The following PRKACB variants were observed in gnomAD, a reference collection of about 807,000 sequenced individuals.
The protein encoded by PRKACB is cAMP-dependent protein kinase catalytic subunit beta.
In PRKACB, 16 loss-of-function variants were observed where a neutral mutation model predicts 51.4. The observed-to-expected ratio is 0.31, with a 90% confidence interval of 0.21 to 0.47. PRKACB has a LOEUF of 0.47. PRKACB is among the 20% of genes least tolerant of loss of function. The pLI is 1.00. For missense variants in PRKACB, 309 were observed against 464.5 expected, an observed-to-expected ratio of 0.67 and a Z score of 3.08; for synonymous variants, 147 against 154.4, an observed-to-expected ratio of 0.95 and a Z score of 0.35.
intron 1 of PRKACB, among the ~76,000 whole-genome samples, chr1:84,166,789 C>T (rs184164704): frequency 4.0e-5 from 6 of 151,664 alleles, no homozygotes; most frequent in African/African-American, 1.4e-4. Flanking sequence ...TTCCTTTTAT[C>T]CTTTGCCAAT....
intron 9 of PRKACB, among the ~76,000 whole-genome samples, chr1:84,215,387 C>T (rs750631613): frequency 5.3e-5 from 8 of 151,962 alleles, no homozygotes; most frequent in Non-Finnish European, 7.4e-5. Flanking sequence ...GTCAGATGGT[C>T]GTATAAATAA....
rs75574709 is a variant in PRKACB at position 84,168,775 on chromosome 1, A to T, written c.188-10402A>T. Among the ~76,000 whole-genome samples, 31 of 151,712 alleles carry T rather than the reference A, an allele frequency of 2.0e-4. 1 individual carries two copies. The East Asian group carries it at 4.9e-3, about 24-fold the overall frequency. On this transcript the variant is annotated intron_variant, in intron 1 of 9. Coordinates refer to ENST00000370685, the MANE Select transcript of PRKACB (RefSeq NM_182948.4). ...GAGGGATGAGGAAAATAAGTGGAAG[A>T]TCCAACACTGCTCATTACTTTCATT... is the stretch of plus-strand genomic sequence containing the variant.
intron 1 of PRKACB, among the ~76,000 whole-genome samples, chr1:84,115,712 T>G (rs12132212): frequency 0.49 from 74,587 of 151,152 alleles, 18,862 homozygotes; most frequent in Non-Finnish European, 0.56. Flanking sequence ...GAGAAACCCT[T>G]TCTCTACTAA....
At position 84,195,524 on chromosome 1, in the gene PRKACB, A is replaced by T. The variant is rs150643519; in HGVS notation, c.561-1092A>T. 6.8e-3 allele frequency among the ~76,000 whole-genome samples: 1,037 copies of T among 152,332 alleles called. 60 individuals carry two copies. Among genetic ancestry groups the T allele is most frequent in the Admixed American group, 0.062 (941 of 15,288 alleles). On this transcript the variant is annotated intron_variant, in intron 5 of 9. Coordinates refer to ENST00000370685, the MANE Select transcript of PRKACB (RefSeq NM_182948.4). ...ATTAGTAGAATTCAAGTAATACATTAGAAGATAAATTAGAAACTCAGAAAA... is the reference window on the plus strand; with the variant it reads ...ATTAGTAGAATTCAAGTAATACATTTGAAGATAAATTAGAAACTCAGAAAA...
At chr1:84,168,751 A>T (rs1216140289) in intron 1 of PRKACB, among the ~76,000 whole-genome samples, 3 of 151,554 alleles carry the variant, frequency 2.0e-5, no homozygotes, top group African/African-American at 7.3e-5. Flanking sequence ...ACTAACTGGG[A>T]GGGATGAGGA....
chr1:84,128,513 T>C (rs964057674), intron 1 of PRKACB, among the ~76,000 whole-genome samples: 3 of 152,192 alleles, frequency 2.0e-5, no homozygotes, highest in African/African-American at 7.2e-5. Flanking sequence ...ATGCTTCCAG[T>C]GTTTAGACTT....
intron 1 of PRKACB, chr1:84,085,870 G>GTT (rs1157683573): frequency 1.7e-6 from 1 of 579,710 alleles, no homozygotes; most frequent in Non-Finnish European, 3.2e-6. Flanking sequence ...TGGCCTGGCT[G>GTT]TAACACCCAA....
chr1:84,097,332 A>G (rs12128677), intron 1 of PRKACB, among the ~76,000 whole-genome samples: 11,949 of 152,054 alleles, frequency 0.079, 667 homozygotes, highest in Non-Finnish European at 0.11. Flanking sequence ...ATTAGTAGAT[A>G]CTATCAAACT....
chr1:84,225,471 C>T (rs1357792323), intron 9 of PRKACB, among the ~76,000 whole-genome samples: 1 of 152,110 alleles, frequency 6.6e-6, no homozygotes, highest in Non-Finnish European at 1.5e-5. Flanking sequence ...CCCAGCCGCA[C>T]CATTGGGTCC....
chr1:84,186,370 C>T (rs1046824479), intron 5 of PRKACB, among the ~76,000 whole-genome samples: 1 of 151,994 alleles, frequency 6.6e-6, no homozygotes, highest in Non-Finnish European at 1.5e-5. Context: ...AGGTGTCCGC[C>T]ACCACATCCG....
At chr1:84,117,410 G>A (rs1005391285) in intron 1 of PRKACB, among the ~76,000 whole-genome samples, 2 of 152,032 alleles carry the variant, frequency 1.3e-5, no homozygotes, top group Admixed American at 6.6e-5. Flanking sequence ...GGTAGAATTC[G>A]GCTGTAAATC....
intron 1 of PRKACB, among the ~76,000 whole-genome samples, chr1:84,085,499 A>T (rs1647898853): frequency 6.6e-6 from 1 of 152,220 alleles, no homozygotes; most frequent in Non-Finnish European, 1.5e-5. Context: ...TGCTTCTATT[A>T]TATTTATTAA....
chr1:84,104,373 C>A (rs1449584712), intron 1 of PRKACB, among the ~76,000 whole-genome samples: 1 of 151,996 alleles, frequency 6.6e-6, no homozygotes, highest in East Asian at 1.9e-4. Flanking sequence ...CTTTCTTTTT[C>A]TGTTAATCTG....
chr1:84,130,610 T>A (rs908000219), intron 1 of PRKACB, among the ~76,000 whole-genome samples: 2 of 152,162 alleles, frequency 1.3e-5, no homozygotes, highest in African/African-American at 4.8e-5. Context: ...TCTAAAAAAA[T>A]TGAATATGTA....
chr1:84,147,331 C>T (rs560202017), intron 1 of PRKACB, among the ~76,000 whole-genome samples: 3 of 151,948 alleles, frequency 2.0e-5, no homozygotes. Context: ...TTTACCTTTG[C>T]AAATTTTATA....
chr1:84,106,487 G>T (rs1311030041), intron 1 of PRKACB, among the ~76,000 whole-genome samples: 1 of 152,224 alleles, frequency 6.6e-6, no homozygotes, highest in Non-Finnish European at 1.5e-5. Context: ...GCCGAATCAG[G>T]AATATAATCT....
chr1:84,234,269 G>A (rs1409804411), intron 9 of PRKACB, among the ~76,000 whole-genome samples: 11 of 152,286 alleles, frequency 7.2e-5, no homozygotes, highest in Non-Finnish European at 8.8e-5. Flanking sequence ...CAGTCTGCCC[G>A]TTCTCAGATC....
At chr1:84,115,610 C>T (rs558985167) in intron 1 of PRKACB, among the ~76,000 whole-genome samples, 11 of 151,816 alleles carry the variant, frequency 7.2e-5, no homozygotes, top group East Asian at 1.9e-4. Context: ...AGGCCAGGTG[C>T]GGTGGCTCAC....
intron 1 of PRKACB, among the ~76,000 whole-genome samples, chr1:84,152,647 C>G (rs1165444647): frequency 6.6e-6 from 1 of 152,176 alleles, no homozygotes; most frequent in Non-Finnish European, 1.5e-5. Context: ...GAACCAACCT[C>G]TGCTAGCTTC....
Sources: gnomAD v4.1 joint callset for allele counts (sites outside exome capture counted in the v4.1 genomes callset) on GRCh38, gnomAD v4.1.1 for gene constraint, MANE v1.5 for transcripts, NCBI Gene and HGNC (gene_info 2026-07-23, HGNC 2026-07-21) for gene names.